CD163L1: variants seen among roughly 807,000 people sequenced by gnomAD.
The protein encoded by CD163L1 is scavenger receptor cysteine-rich type 1 protein M160.
A neutral mutation model predicts 165.4 loss-of-function variants in CD163L1; 124 were observed. The observed-to-expected ratio is 0.75, with a 90% confidence interval of 0.65 to 0.87. The LOEUF is 0.87. Among genes scored for constraint, CD163L1 ranks in the 40% least tolerant of loss-of-function variants. The pLI is 0.00. For synonymous variants in CD163L1, 585 were observed against 662.2 expected (o/e 0.88, Z 1.79); for missense variants, 1,525 against 1,799.9 (o/e 0.85, Z 2.76).
At position 7,433,418 on chromosome 12, in the gene CD163L1, C is replaced by T; in HGVS notation, c.401G>A (p.Ser134Asn). Reference protein sequence around the residue: ...LWECQHREWGSHNCYHGEDVG... With the variant: ...LWECQHREWGNHNCYHGEDVG... Reference sequence around the variant, plus strand: ...ATCTTCTCCATGATAACAGTTATGGCTTCCCCATTCCCGGTGTTGACATTC... The same window carrying T: ...ATCTTCTCCATGATAACAGTTATGGTTTCCCCATTCCCGGTGTTGACATTC... The change falls in exon 3 of 20, where the codon AGC (serine) becomes AAC (asparagine). Residue 134 changes from serine (S) to asparagine (N), a missense_variant. Ser to Asn is a conservative substitution (Grantham distance 46, BLOSUM62 1). Coordinates refer to ENST00000313599, the MANE Select transcript of CD163L1 (RefSeq NM_174941.6). The T allele has an allele frequency of 6.2e-7, 1 of 1,609,906 alleles. No individual in the cohort carries two copies. The highest frequency in any genetic ancestry group is 8.5e-7 in the Non-Finnish European group (1 of 1,177,894).
chr12:7,403,768 G>A lies in CD163L1; in HGVS notation c.1175C>T (p.Thr392Ile). The change falls in exon 6 of 20, where the codon ACA (threonine) becomes ATA (isoleucine). Residue 392 changes from threonine to isoleucine, a missense_variant. Physicochemically the swap from Thr to Ile is moderately conservative, Grantham distance 89. Coordinates refer to ENST00000313599, the MANE Select transcript of CD163L1 (RefSeq NM_174941.6). ...VEVRIHEQWW[T>I]ICDQNWKNEQ... Reference sequence around the variant, plus strand: ...ATTCTTCCAGTTCTGGTCACATATTGTCCACCACTGTTCATGAATTCTCAC... The same window carrying A: ...ATTCTTCCAGTTCTGGTCACATATTATCCACCACTGTTCATGAATTCTCAC... 1 of 1,613,712 alleles carries A rather than the reference G, an allele frequency of 6.2e-7. No individual in the cohort carries two copies. The highest frequency in any genetic ancestry group is 8.5e-7 in the Non-Finnish European group (1 of 1,179,924).
At chr12:7,417,205 T>C (rs1186723076) in intron 4 of CD163L1, among the ~76,000 whole-genome samples, 1 of 152,176 alleles carries the variant, frequency 6.6e-6, no homozygotes, top group African/African-American at 2.4e-5. Flanking sequence ...ACTCATGATT[T>C]GGCTCTCTGT....
At chr12:7,421,762 TATATA>T (rs762797715) in intron 4 of CD163L1, among the ~76,000 whole-genome samples, 9,803 of 142,700 alleles carry the variant, frequency 0.069, 527 homozygotes, top group Middle Eastern at 0.14. Context: ...TATATATATA[TATATA>T]TATTTTTTCT....
Position 7,347,656 on chromosome 12 carries a change from T to A in CD163L1, c.*25-509A>T, listed in dbSNP as rs1946679139. ...GGTGGCGGGCGCCTGTAGTCCCAGC[T>A]ACTCGGAGAGGCTGAGGCAGGAGAA... is the stretch of plus-strand genomic sequence containing the variant. On this transcript the variant is annotated intron_variant, in intron 4 of 4. Transcript: ENST00000539726. This position sits in a 1 kb window ranked among gnomAD's most constrained non-coding sequence, Gnocchi z 4.2. 6.6e-6 allele frequency among the ~76,000 whole-genome samples: 1 copy of A among 152,132 alleles called. No homozygotes were observed. The highest frequency in any genetic ancestry group is 6.5e-5 in the Admixed American group (1 of 15,284).
rs188268020 is a variant in CD163L1, at chr12:7,363,030, C to G, written c.4279+4206G>C. On this transcript the variant is annotated intron_variant, in intron 18 of 19. Transcript: ENST00000313599. The stretch of plus-strand genomic sequence containing the variant: ...GAAATATATGGGATACAGCAAAAAA[C>G]AAAAATATACACGAAATAACAGTAC... Among the ~76,000 whole-genome samples, 159 of 151,712 alleles carry G rather than the reference C, an allele frequency of 1.0e-3. 1 individual carries two copies. The highest frequency in any genetic ancestry group is 3.6e-3 in the African/African-American group (148 of 41,394).
intron 18 of CD163L1, among the ~76,000 whole-genome samples, chr12:7,362,718 T>G (rs1293612079): frequency 6.8e-6 from 1 of 147,148 alleles, no homozygotes; most frequent in South Asian, 2.1e-4. Flanking sequence ...TATTAATATA[T>G]AATAATATAT....
intron 4 of CD163L1, among the ~76,000 whole-genome samples, chr12:7,424,827 A>C (rs1948511748): frequency 6.6e-6 from 1 of 152,182 alleles, no homozygotes; most frequent in African/African-American, 2.4e-5. Context: ...TGCTCAAAGA[A>C]ATCAGACAGG....
In CD163L1 at chr12:7,374,851, C is replaced by T. The variant is rs746833119; in HGVS notation, c.3074G>A (p.Gly1025Asp). 42 of 1,614,176 alleles carry T rather than the reference C, an allele frequency of 2.6e-5. No homozygotes were observed. The highest frequency in any genetic ancestry group is 3.5e-5 in the Non-Finnish European group (41 of 1,180,030). ...SDPYLSAVPE[G>D]SALICLEDKR... ...CTTACCTAAGCAGATCAAAGCACTG[C>T]CCTCTGGAACTGCAGACAAATATGG... is the stretch of plus-strand genomic sequence containing the variant. Residue 1025 changes from glycine to aspartate, a missense_variant, in exon 12 of 20, where the codon GGC becomes GAC. Gly to Asp is a moderately conservative substitution (Grantham distance 94, BLOSUM62 -1). Coordinates refer to ENST00000313599, the MANE Select transcript of CD163L1 (RefSeq NM_174941.6). The surrounding 1 kb of genome is among the most constrained non-coding windows in gnomAD (Gnocchi z 5.4).
intron 8 of CD163L1, among the ~76,000 whole-genome samples, chr12:7,386,816 A>G (rs757242621): frequency 6.6e-6 from 1 of 152,268 alleles, no homozygotes; most frequent in Non-Finnish European, 1.5e-5. Flanking sequence ...GCATAGAAGG[A>G]ACATACCTCA....
At chr12:7,336,498 G>A in the CD163L1 span, among the ~76,000 whole-genome samples, 1 of 152,096 alleles carries the variant, frequency 6.6e-6, no homozygotes, top group Non-Finnish European at 1.5e-5. Context: ...TCACACACTG[G>A]GGACTGTTGT....
At chr12:7,341,841 G>C (rs1489219803), downstream of CD163L1, among the ~76,000 whole-genome samples, 3 of 152,168 alleles carry the variant, frequency 2.0e-5, no homozygotes, top group Non-Finnish European at 4.4e-5. Context: ...TTACATTCCA[G>C]AGAGATGAGA....
chr12:7,364,094 C>A (rs1946962416), intron 18 of CD163L1, among the ~76,000 whole-genome samples: 1 of 152,092 alleles, frequency 6.6e-6, no homozygotes, highest in Non-Finnish European at 1.5e-5. Flanking sequence ...TCACCACAAT[C>A]AAGTGAAATT....
At chr12:7,391,972 A>G (rs1455417970) in intron 8 of CD163L1, among the ~76,000 whole-genome samples, 1 of 150,046 alleles carries the variant, frequency 6.7e-6, no homozygotes, top group Non-Finnish European at 1.5e-5. Flanking sequence ...CACAATATTA[A>G]TGGGAGACTT....
At chr12:7,363,473 G>C (rs1002350297) in intron 18 of CD163L1, among the ~76,000 whole-genome samples, 1 of 151,826 alleles carries the variant, frequency 6.6e-6, no homozygotes, top group African/African-American at 2.4e-5. Flanking sequence ...ATCTACAAAG[G>C]AGCAACAAGA....
Position 7,374,490 on chromosome 12 carries a change from C to T in CD163L1, c.3361G>A (p.Gly1121Arg), listed in dbSNP as rs1231216665. ...HLWQCPSRGWGQHDCRHKEDA... is the reference protein window; with the variant it reads ...HLWQCPSRGWRQHDCRHKEDA... ...TCCTTGTGCCTGCAGTCGTGCTGCC[C>T]CCAGCCGCGGGAAGGGCACTGCCAC... Residue 1121 changes from glycine (G) to arginine (R), a missense_variant, in exon 13 of 20, where the codon GGG becomes AGG. By Grantham distance (125) the Gly-to-Arg change is moderately radical. Coordinates refer to ENST00000313599, the MANE Select transcript of CD163L1 (RefSeq NM_174941.6). This position sits in a 1 kb window ranked among gnomAD's most constrained non-coding sequence, Gnocchi z 5.4. The T allele has an allele frequency of 1.2e-6, 2 of 1,614,128 alleles. No homozygotes were observed. Among genetic ancestry groups the T allele is most frequent in the Non-Finnish European group, 1.7e-6 (2 of 1,180,012 alleles).
chr12:7,436,266 T>C (rs777345831), intron 2 of CD163L1, among the ~76,000 whole-genome samples: 6 of 152,154 alleles, frequency 3.9e-5, no homozygotes, highest in Non-Finnish European at 8.8e-5. Flanking sequence ...TAATCAAATA[T>C]AACATTAAAC....
chr12:7,334,814 T>A, the CD163L1 span, among the ~76,000 whole-genome samples: 1 of 152,136 alleles, frequency 6.6e-6, no homozygotes, highest in Non-Finnish European at 1.5e-5. Context: ...AAAATCAATA[T>A]GCAAAAATCA....
intron 8 of CD163L1, among the ~76,000 whole-genome samples, chr12:7,386,239 C>CTCATCTCCATCACAGGAA (rs1947512366): frequency 6.6e-6 from 1 of 151,940 alleles, no homozygotes; most frequent in African/African-American, 2.4e-5. Context: ...AATTCCTGTA[C>CTCATCTCCATCACAGGAA]ACATACGATC....
Position 7,431,369 on chromosome 12 carries a change from A to T in CD163L1, c.766+1047T>A, listed in dbSNP as rs2136628839. Among the ~76,000 whole-genome samples, 6 of 152,090 alleles carry T rather than the reference A, an allele frequency of 3.9e-5. 1 individual carries two copies. The highest frequency in any genetic ancestry group is 1.4e-4 in the African/African-American group (6 of 41,470). The stretch of plus-strand genomic sequence containing the variant: ...GAGGTGGAGGTTGCAGTGAGCCGAG[A>T]TCATGCCACTACACTCCAGCCTGGG... On this transcript the variant is annotated intron_variant, in intron 4 of 19. Coordinates refer to ENST00000313599, the MANE Select transcript of CD163L1 (RefSeq NM_174941.6).
Sources: allele counts gnomAD v4.1 joint callset (sites outside exome capture counted in the v4.1 genomes callset), GRCh38; gene constraint gnomAD v4.1.1; non-coding constraint Gnocchi (gnomAD v3.1); transcripts MANE v1.5; gene names NCBI Gene and HGNC (gene_info 2026-07-23, HGNC 2026-07-21).